The following DCLK2 variants were observed in gnomAD, a reference collection of about 807,000 sequenced individuals.
DCLK2 encodes the protein serine/threonine-protein kinase DCLK2.
Under a neutral mutation model 78.4 loss-of-function variants are expected in DCLK2, and 31 were observed. The observed-to-expected ratio is 0.40, with a 90% CI of 0.30 to 0.53. The LOEUF (loss-of-function observed/expected upper bound fraction) is 0.53, where lower values mean the gene tolerates loss of function less well. Among genes scored for constraint, DCLK2 ranks in the 20% least tolerant of loss-of-function variants. DCLK2 has a pLI of 0.61. For synonymous variants in DCLK2, 407 were observed against 374.9 expected, an observed-to-expected ratio of 1.09 and a Z score of -0.99; for missense variants, 872 against 973.7, an observed-to-expected ratio of 0.90 and a Z score of 1.39.
chr4:150,128,893 C>A (rs1024749269), intron 2 of DCLK2, among the ~76,000 whole-genome samples: 1 of 152,122 alleles, frequency 6.6e-6, no homozygotes, highest in Non-Finnish European at 1.5e-5. Context: ...TTAAAAAGAG[C>A]ATTAACTTTC....
At chr4:150,202,972 A>G (rs773487825) in intron 4 of DCLK2, among the ~76,000 whole-genome samples, 3 of 152,210 alleles carry the variant, frequency 2.0e-5, no homozygotes, top group Non-Finnish European at 4.4e-5. Flanking sequence ...CAAAGTTTTC[A>G]AAAACTGAAA....
chr4:150,197,369 T>C (rs1440953986), intron 3 of DCLK2, among the ~76,000 whole-genome samples: 1 of 152,174 alleles, frequency 6.6e-6, no homozygotes, highest in East Asian at 1.9e-4. Flanking sequence ...CATGTATAGA[T>C]TAGCTGTGGA....
At chr4:150,240,697 T>C (rs1384579863) in intron 12 of DCLK2, among the ~76,000 whole-genome samples, 2 of 143,398 alleles carry the variant, frequency 1.4e-5, no homozygotes, top group Non-Finnish European at 3.0e-5. Context: ...CATGTATACA[T>C]ATGTAACTAA....
Position 150,247,633 on chromosome 4 carries a change from C to G in DCLK2, c.1809C>G (p.Asp603Glu). 1 of 1,614,056 alleles carries G rather than the reference C, an allele frequency of 6.2e-7. No individual in the cohort carries two copies. Among genetic ancestry groups the G allele is most frequent in the Non-Finnish European group, 8.5e-7 (1 of 1,179,974 alleles). Residue 603 changes from aspartate to glutamate, a missense_variant, in exon 13 of 16, where the codon GAC (aspartate) becomes GAG (glutamate). Physicochemically the swap from Asp to Glu is conservative, Grantham distance 45 (BLOSUM62 2). Coordinates refer to ENST00000296550, the MANE Select transcript of DCLK2 (RefSeq NM_001040260.4). ...ACAATCTCCAGGAAGATCTCTTCGA[C>G]CAGATCTTGGCTGGGAAGCTGGAGT... ...SENNLQEDLF[D>E]QILAGKLEFP...
At chr4:150,133,407 GTACT>G (rs1399811255) in intron 2 of DCLK2, among the ~76,000 whole-genome samples, 1 of 152,186 alleles carries the variant, frequency 6.6e-6, no homozygotes, top group African/African-American at 2.4e-5. Flanking sequence ...GGGTGAACTT[GTACT>G]TACAGAATCT....
At chr4:150,238,861 T>G (rs1309055225) in intron 10 of DCLK2, among the ~76,000 whole-genome samples, 2 of 152,088 alleles carry the variant, frequency 1.3e-5, no homozygotes, top group Non-Finnish European at 2.9e-5. Flanking sequence ...ATCCCAAAGG[T>G]CATTTTCTTT....
At chr4:150,089,082 C>CAAAATCTGAAAAA (rs78590361) in intron 1 of DCLK2, among the ~76,000 whole-genome samples, 1 of 151,724 alleles carries the variant, frequency 6.6e-6, no homozygotes, top group Non-Finnish European at 1.5e-5. Flanking sequence ...GCAGATATTC[C>CAAAATCTGAAAAA]AAAATCTGAA....
intron 2 of DCLK2, among the ~76,000 whole-genome samples, chr4:150,178,542 A>G (rs1737252789): frequency 6.6e-6 from 1 of 152,156 alleles, no homozygotes; most frequent in South Asian, 2.1e-4. Context: ...AAAAAAAAAA[A>G]ATCTTATTGC....
At chr4:150,165,271 T>C (rs1735981554) in intron 2 of DCLK2, among the ~76,000 whole-genome samples, 1 of 152,220 alleles carries the variant, frequency 6.6e-6, no homozygotes, top group African/African-American at 2.4e-5. Flanking sequence ...TTGTCTGCCT[T>C]TGAGTACACC....
At chr4:150,159,443 C>T (rs1449319979) in intron 2 of DCLK2, among the ~76,000 whole-genome samples, 1 of 152,228 alleles carries the variant, frequency 6.6e-6, no homozygotes, top group African/African-American at 2.4e-5. Context: ...TAATCCCTGT[C>T]TCTCACCCAC....
At chr4:150,106,013 TCA>T (rs1418397124) in intron 2 of DCLK2, among the ~76,000 whole-genome samples, 11 of 152,202 alleles carry the variant, frequency 7.2e-5, no homozygotes, top group African/African-American at 2.7e-4. Context: ...AAGACTGATC[TCA>T]GATTTTAGAA....
At chr4:150,083,694 A>C (rs1173108782) in intron 1 of DCLK2, among the ~76,000 whole-genome samples, 1 of 152,230 alleles carries the variant, frequency 6.6e-6, no homozygotes, top group Non-Finnish European at 1.5e-5. Flanking sequence ...AGGTATTTGC[A>C]CATAGGAGTC....
chr4:150,208,132 A>C (rs1015676225), intron 5 of DCLK2, among the ~76,000 whole-genome samples: 1 of 152,174 alleles, frequency 6.6e-6, no homozygotes, highest in Non-Finnish European at 1.5e-5. Context: ...CTTAACAGGA[A>C]TCTTGCTCAG....
intron 2 of DCLK2, among the ~76,000 whole-genome samples, chr4:150,145,982 A>G (rs1734442214): frequency 6.6e-6 from 1 of 152,216 alleles, no homozygotes; most frequent in Non-Finnish European, 1.5e-5. Context: ...TCACAAGCAA[A>G]TTGATTTATT....
At chr4:150,104,567 A>G (rs1383980672) in intron 2 of DCLK2, among the ~76,000 whole-genome samples, 1 of 152,130 alleles carries the variant, frequency 6.6e-6, no homozygotes, top group East Asian at 1.9e-4. Context: ...CAACATTTCA[A>G]AACAATACAG....
intron 4 of DCLK2, among the ~76,000 whole-genome samples, chr4:150,201,816 GAAA>G (rs1172205566): frequency 2.0e-5 from 3 of 151,486 alleles, no homozygotes; most frequent in Non-Finnish European, 4.4e-5. Flanking sequence ...AAAAAAAAAG[GAAA>G]AAAAGGAAAA....
chr4:150,128,525 G>A (rs1480619246), intron 2 of DCLK2, among the ~76,000 whole-genome samples: 1 of 152,154 alleles, frequency 6.6e-6, no homozygotes, highest in Admixed American at 6.5e-5. Context: ...AGTTTACTCT[G>A]GAGATTATGA....
chr4:150,135,981 A>C (rs754625175), intron 2 of DCLK2, among the ~76,000 whole-genome samples: 2 of 152,164 alleles, frequency 1.3e-5, no homozygotes, highest in Non-Finnish European at 2.9e-5. Context: ...TCACTGACCC[A>C]AGTAAAGTAC....
chr4:150,253,854 G>A (rs758902864), intron 15 of DCLK2: 4 of 985,442 alleles, frequency 4.1e-6, no homozygotes, highest in Non-Finnish European at 4.8e-6. Context: ...GTGGCTTTTC[G>A]GAAAGAGCAG....
Sources: gnomAD v4.1 joint callset for allele counts (sites outside exome capture counted in the v4.1 genomes callset) on GRCh38, gnomAD v4.1.1 for gene constraint, MANE v1.5 for transcripts, NCBI Gene and HGNC (gene_info 2026-07-23, HGNC 2026-07-21) for gene names.